Variants in WDFY4 observed in about 807,000 individuals in gnomAD.
WDFY4 encodes WDFY family member 4, also known as WD repeat- and FYVE domain-containing protein 4.
Under a neutral mutation model 351.9 loss-of-function variants are expected in WDFY4, and 169 were observed. The observed-to-expected ratio is 0.48, with a 90% CI of 0.42 to 0.55. The LOEUF is 0.55. Ranked by LOEUF, WDFY4 falls within the 20% of genes least tolerant of loss-of-function variation. The pLI is 0.00. For missense variants in WDFY4, 3,803 were observed against 3,935.6 expected (o/e 0.97, Z 0.90); for synonymous variants, 1,622 against 1,574.6 (o/e 1.03, Z -0.71).
chr10:48,824,879 C>G (rs2067943063), intron 35 of WDFY4, among the ~76,000 whole-genome samples: 1 of 152,164 alleles, frequency 6.6e-6, no homozygotes. Flanking sequence ...CACCTGTCCT[C>G]AAGAGATCTT....
intron 50 of WDFY4, 54 bp from the exon 51 acceptor site, chr10:48,946,806 C>T: frequency 3.8e-6 from 5 of 1,304,684 alleles, no homozygotes; most frequent in Non-Finnish European, 5.4e-6. Flanking sequence ...CACATATCTG[C>T]CACGTGTGAG....
chr10:48,803,316 C>T lies in WDFY4; in HGVS notation c.4441C>T (p.Leu1481Phe), dbSNP rs1007210571. 6.4e-7 allele frequency: 1 copy of T among 1,552,030 alleles called. No individual in the cohort carries two copies. The highest frequency in any genetic ancestry group is 1.4e-5 in the African/African-American group (1 of 73,190). The change falls in exon 25 of 62, where the codon CTC (leucine) becomes TTC (phenylalanine). Residue 1481 changes from leucine (L) to phenylalanine (F), a missense_variant. By Grantham distance (22) the Leu-to-Phe change is conservative. Coordinates refer to ENST00000325239, the MANE Select transcript of WDFY4 (RefSeq NM_001394531.1). ...GATGAATACTGCAGACAATCTGGAG[C>T]TCAGCCTCTTTTCCCATCTTTTGGA... ...LWMNTADNLE[L>F]SLFSHLLEIL...
chr10:48,747,395 T>C (rs1478799965), intron 12 of WDFY4, among the ~76,000 whole-genome samples: 1 of 152,244 alleles, frequency 6.6e-6, no homozygotes, highest in East Asian at 1.9e-4. Context: ...CCAACTGATG[T>C]CTTTTATAAA....
intron 13 of WDFY4, among the ~76,000 whole-genome samples, chr10:48,769,642 GCAGAAGACGCA>G (rs2065794020): frequency 6.6e-6 from 1 of 152,296 alleles, no homozygotes; most frequent in South Asian, 2.1e-4. Context: ...TGGTTCATAT[GCAGAAGACGCA>G]CATATCTTGG....
chr10:48,748,511 T>C (rs555748247), intron 12 of WDFY4, among the ~76,000 whole-genome samples: 1 of 152,272 alleles, frequency 6.6e-6, no homozygotes, highest in African/African-American at 2.4e-5. Flanking sequence ...CCCACAATAA[T>C]AGTGATAGTT....
chr10:48,754,147 C>T (rs1220449792), intron 12 of WDFY4, among the ~76,000 whole-genome samples: 1 of 151,378 alleles, frequency 6.6e-6, no homozygotes, highest in African/African-American at 2.4e-5. Flanking sequence ...TTTTAATATG[C>T]TGTTGAATTT....
chr10:48,741,442 G>A (rs959352264), intron 11 of WDFY4, among the ~76,000 whole-genome samples: 1 of 92,932 alleles, frequency 1.1e-5, no homozygotes, highest in Non-Finnish European at 1.9e-5. Context: ...GACAGAGCAA[G>A]ACTCCGTCTC....
At chr10:48,888,728 C>G (rs1260429610) in intron 43 of WDFY4, among the ~76,000 whole-genome samples, 1 of 152,236 alleles carries the variant, frequency 6.6e-6, no homozygotes, top group Non-Finnish European at 1.5e-5. Flanking sequence ...CTGGATGTCC[C>G]CGTTCCTTGA....
Position 48,721,265 on chromosome 10 carries a change from A to G in WDFY4, c.354A>G (p.Gln118=), listed in dbSNP as rs2064079387. ...QKALVGKPAE[Q]ARLAAGQLLW... ...GCTGGTGACACTTTCTTCCAGAGCA[A>G]GCTCGGTTGGCAGCTGGACAGTTGC... Residue 118 remains glutamine, a synonymous_variant, in exon 4 of 62, where the codon CAA becomes CAG. Coordinates refer to ENST00000325239, the MANE Select transcript of WDFY4 (RefSeq NM_001394531.1). 1.3e-6 allele frequency: 2 copies of G among 1,551,648 alleles called. No homozygotes were observed. The highest frequency in any genetic ancestry group is 1.4e-5 in the African/African-American group (1 of 73,156).
At chr10:48,885,567 T>C (rs774410608) in intron 43 of WDFY4, among the ~76,000 whole-genome samples, 6 of 152,220 alleles carry the variant, frequency 3.9e-5, no homozygotes, top group Non-Finnish European at 8.8e-5. Flanking sequence ...AAGTGACACA[T>C]GCAGGCAGGC....
At chr10:48,735,773 AGCAAAATGAAGTTT>A in intron 10 of WDFY4, 93 bp from the exon 11 acceptor site, 8 of 1,170,514 alleles carry the variant, frequency 6.8e-6, no homozygotes, top group Non-Finnish European at 9.4e-6. Context: ...AACAAAAAAT[AGCAAAATGAAGTTT>A]GAAAATTATA....
intron 39 of WDFY4, among the ~76,000 whole-genome samples, chr10:48,854,807 A>G (rs967537348): frequency 1.3e-5 from 2 of 152,194 alleles, no homozygotes; most frequent in African/African-American, 4.8e-5. Flanking sequence ...GACAAGGCCT[A>G]TCCCTCTGCT....
intron 1 of WDFY4, among the ~76,000 whole-genome samples, chr10:48,699,008 C>T (rs1223436939): frequency 2.0e-5 from 3 of 152,160 alleles, no homozygotes; most frequent in Non-Finnish European, 4.4e-5. Context: ...CACTATAGAC[C>T]TAGCCGGCCC....
At position 48,726,054 on chromosome 10, in the gene WDFY4, C is replaced by T; in HGVS notation, c.765C>T (p.Ile255=). 2 of 1,547,864 alleles carry T rather than the reference C, an allele frequency of 1.3e-6. No homozygotes were observed. The highest frequency in any genetic ancestry group is 1.7e-6 in the Non-Finnish European group (2 of 1,143,912). ...RAISKAQNLS[I]IQYLQATDCV... Reference sequence around the variant, plus strand: ...TCTCCAAGGCCCAGAACCTCAGCATCATCCAGTACCTGCAGGGTATGGCCC... The same window carrying T: ...TCTCCAAGGCCCAGAACCTCAGCATTATCCAGTACCTGCAGGGTATGGCCC... The change falls in exon 6 of 62, where the codon ATC becomes ATT. Residue 255 remains isoleucine, a synonymous_variant. Transcript: ENST00000325239.
Position 48,966,527 on chromosome 10 carries a change from T to G in WDFY4, c.8438T>G (p.Leu2813Arg). ...VSNFGQVPKQ[L>R]FTKPHPARTA... Reference sequence around the variant, plus strand: ...TGTGTCTGTTCCCTGTCTCTCTAGCTCTTTACCAAACCTCACCCAGCCAGG... The same window carrying G: ...TGTGTCTGTTCCCTGTCTCTCTAGCGCTTTACCAAACCTCACCCAGCCAGG... The change falls in exon 55 of 62, where the codon CTC (leucine) becomes CGC (arginine). Residue 2813 changes from leucine to arginine, a missense_variant and splice_region_variant. Transcript: ENST00000325239. 6.4e-7 allele frequency: 1 copy of G among 1,551,864 alleles called. No homozygotes were observed. The highest frequency in any genetic ancestry group is 8.7e-7 in the Non-Finnish European group (1 of 1,146,992).
At chr10:48,779,859 G>C in intron 18 of WDFY4, 82 bp from the exon 19 acceptor site, 1 of 1,487,988 alleles carries the variant, frequency 6.7e-7, no homozygotes, top group Non-Finnish European at 9.1e-7. Context: ...AGTGGTTGAC[G>C]TCCGCCTATG....
At chr10:48,878,300 C>T (rs2133310685) in intron 43 of WDFY4, among the ~76,000 whole-genome samples, 1 of 152,240 alleles carries the variant, frequency 6.6e-6, no homozygotes, top group East Asian at 1.9e-4. Flanking sequence ...TGCACGAGAG[C>T]TGGAGGCTAG....
intron 40 of WDFY4, among the ~76,000 whole-genome samples, chr10:48,872,669 A>G (rs941277645): frequency 6.6e-6 from 1 of 152,202 alleles, no homozygotes; most frequent in African/African-American, 2.4e-5. Context: ...TGCTTCTTTG[A>G]CAGGTGATGC....
At position 48,769,135 on chromosome 10, in the gene WDFY4, C is replaced by A. The variant is rs552949017; in HGVS notation, c.2554-5323C>A. On this transcript the variant is annotated intron_variant, in intron 13 of 61. Coordinates refer to ENST00000325239, the MANE Select transcript of WDFY4 (RefSeq NM_001394531.1). ...AAGTTTGGAGCAGGCACCCACCCAT[C>A]CCCATGGTTACAGATCTGCCTAGTT... Among the ~76,000 whole-genome samples the A allele has an allele frequency of 2.0e-5, 3 of 152,314 alleles. No homozygotes were observed. The South Asian group carries it at 6.2e-4, about 32-fold the overall frequency.
Sources: allele counts gnomAD v4.1 joint callset (sites outside exome capture counted in the v4.1 genomes callset), GRCh38; gene constraint gnomAD v4.1.1; transcripts MANE v1.5; gene names NCBI Gene and HGNC (gene_info 2026-07-23, HGNC 2026-07-21).